NUP37: variants seen among roughly 807,000 people sequenced by gnomAD.
NUP37 encodes the protein nucleoporin Nup37.
Under a neutral mutation model 45.4 loss-of-function variants are expected in NUP37, and 33 were observed. The ratio of observed to expected loss-of-function variants is 0.73; its 90% confidence interval spans 0.55 to 0.97. The LOEUF is 0.97. Ranked by LOEUF, NUP37 falls within the 50% of genes least tolerant of loss-of-function variation. The probability of loss-of-function intolerance (pLI) is 0.00; values close to 1 mark genes in which losing one functional copy is unlikely to be tolerated. For synonymous variants in NUP37, 127 were observed against 130.7 expected, an observed-to-expected ratio of 0.97 and a Z score of 0.19; for missense variants, 365 against 389.7, an observed-to-expected ratio of 0.94 and a Z score of 0.53.
intron 5 of NUP37, among the ~76,000 whole-genome samples, chr12:102,096,667 CATATGTGATAATGTAAGAATAT>C (rs1879812433): frequency 6.6e-6 from 1 of 152,156 alleles, no homozygotes; most frequent in Non-Finnish European, 1.5e-5. Context: ...TCTCTTGTCA[CATATGTGATAATGTAAGAATAT>C]ATATGTGATA....
intron 4 of NUP37, among the ~76,000 whole-genome samples, chr12:102,099,412 C>G (rs1471671647): frequency 6.6e-6 from 1 of 152,124 alleles, no homozygotes; most frequent in African/African-American, 2.4e-5. Context: ...ATTCAACACA[C>G]TATTAGCTTA....
chr12:102,075,241 A>T (rs1879137257), intron 8 of NUP37, 147 bp from the exon 9 acceptor site: 2 of 487,268 alleles, frequency 4.1e-6, no homozygotes, highest in Non-Finnish European at 7.2e-6. Flanking sequence ...AGAAGTGCTA[A>T]CAAAACTCAC....
At chr12:102,091,493 T>TA (rs1879654700) in intron 5 of NUP37, among the ~76,000 whole-genome samples, 1 of 143,474 alleles carries the variant, frequency 7.0e-6, no homozygotes, top group Admixed American at 7.0e-5. Context: ...GAAAAGATGA[T>TA]AGACCATTTC....
intron 3 of NUP37, among the ~76,000 whole-genome samples, chr12:102,104,388 T>C (rs559117097): frequency 8.9e-4 from 136 of 152,336 alleles, no homozygotes; most frequent in African/African-American, 3.1e-3. Context: ...GTTAGGTATA[T>C]GGGTTGCAAA....
chr12:102,094,273 A>T (rs368398044), intron 5 of NUP37, among the ~76,000 whole-genome samples: 57 of 152,240 alleles, frequency 3.7e-4, no homozygotes, highest in African/African-American at 1.2e-3. Flanking sequence ...AGTGAGTTTT[A>T]GAAGACAAGC....
chr12:102,107,688 C>A (rs1411864833), intron 3 of NUP37, among the ~76,000 whole-genome samples: 2 of 152,122 alleles, frequency 1.3e-5, no homozygotes, highest in East Asian at 3.9e-4. Context: ...ATAACTAGAT[C>A]TACAAGTAGA....
intron 6 of NUP37, among the ~76,000 whole-genome samples, chr12:102,082,173 T>A (rs1879348109): frequency 6.6e-6 from 1 of 152,202 alleles, no homozygotes; most frequent in African/African-American, 2.4e-5. Flanking sequence ...GGAGGTCTCT[T>A]GACTTTTGTA....
intron 8 of NUP37, among the ~76,000 whole-genome samples, chr12:102,075,997 G>A (rs1348981038): frequency 3.3e-5 from 5 of 152,016 alleles, no homozygotes; most frequent in Non-Finnish European, 7.3e-5. Flanking sequence ...GAGAATAGCA[G>A]AGGGAAAGGA....
At chr12:102,093,813 T>G (rs2136731960) in intron 5 of NUP37, among the ~76,000 whole-genome samples, 1 of 152,214 alleles carries the variant, frequency 6.6e-6, no homozygotes, top group East Asian at 1.9e-4. Flanking sequence ...ATCCACTTAC[T>G]GTAACCACAT....
At chr12:102,101,780 A>G (rs1044042789) in intron 3 of NUP37, among the ~76,000 whole-genome samples, 17 of 151,890 alleles carry the variant, frequency 1.1e-4, no homozygotes, top group African/African-American at 4.1e-4. Flanking sequence ...GCTGGAGTGC[A>G]GTGGTATGAT....
At chr12:102,085,942 A>G in intron 5 of NUP37, 86 bp from the exon 6 acceptor site, 1 of 604,656 alleles carries the variant, frequency 1.7e-6, no homozygotes, top group Non-Finnish European at 2.9e-6. Context: ...ATTCAAAGCT[A>G]TTAACTACAG....
chr12:102,096,332 C>T (rs2136734717), intron 5 of NUP37, among the ~76,000 whole-genome samples: 1 of 152,196 alleles, frequency 6.6e-6, no homozygotes, highest in East Asian at 1.9e-4. Flanking sequence ...CTATCATCTT[C>T]CATAATAACA....
intron 6 of NUP37, among the ~76,000 whole-genome samples, chr12:102,083,839 G>T (rs574563671): frequency 3.9e-5 from 6 of 152,296 alleles, no homozygotes; most frequent in Non-Finnish European, 8.8e-5. Context: ...TAAAACACTG[G>T]CTGGAGAATA....
At position 102,074,601 on chromosome 12, in the gene NUP37, T is replaced by C; in HGVS notation, c.868-134A>G. On this transcript the variant is annotated intron_variant, in intron 9 of 9. Transcript: ENST00000552283. ...AACAAAATTTAAAAATATGCTCCCT[T>C]ACAGGTGAAATACACATTATTGATA... The C allele has an allele frequency of 1.5e-5, 9 of 604,830 alleles. No individual in the cohort carries two copies. The South Asian group carries it at 1.9e-4, about 13-fold the overall frequency. The allele number at this position is 604,830 out of a possible 1,614,324, so 37.5% of individuals were successfully genotyped here.
At chr12:102,113,622 G>T (rs1461503944) in intron 2 of NUP37, among the ~76,000 whole-genome samples, 3 of 152,052 alleles carry the variant, frequency 2.0e-5, no homozygotes, top group South Asian at 2.1e-4. Flanking sequence ...ACTAAAGAAG[G>T]CCAAATTTTC....
At chr12:102,108,204 T>C (rs1406227940) in intron 3 of NUP37, among the ~76,000 whole-genome samples, 3 of 152,042 alleles carry the variant, frequency 2.0e-5, no homozygotes, top group Non-Finnish European at 4.4e-5. Context: ...ATAATGTGGG[T>C]GGGCACGATC....
intron 3 of NUP37, among the ~76,000 whole-genome samples, chr12:102,107,190 G>C (rs1880179455): frequency 6.6e-6 from 1 of 152,068 alleles, no homozygotes; most frequent in African/African-American, 2.4e-5. Flanking sequence ...TATGCAACAG[G>C]GCCTAGACCA....
At chr12:102,112,045 T>G in intron 3 of NUP37, 63 bp downstream of exon 3, 8 of 1,478,856 alleles carry the variant, frequency 5.4e-6, no homozygotes, top group Non-Finnish European at 7.5e-6. Flanking sequence ...TGATCAGACT[T>G]CCAATCATGT....
rs559568113 is a variant in NUP37 at position 102,089,023 on chromosome 12, G to A, written c.450-3167C>T. Among the ~76,000 whole-genome samples, 202 of 152,068 alleles carry A rather than the reference G, an allele frequency of 1.3e-3. 1 individual carries two copies. Among genetic ancestry groups the A allele is most frequent in the Admixed American group, 4.8e-3 (74 of 15,270 alleles). On this transcript the variant is annotated intron_variant, in intron 5 of 9. Coordinates refer to ENST00000552283, the MANE Select transcript of NUP37 (RefSeq NM_024057.4). ...GCACGTTTCAGAGAGCACGGGGTTG[G>A]GGGTAAGGTTATAGATTAACAGCAT...
Sources: allele counts gnomAD v4.1 joint callset (sites outside exome capture counted in the v4.1 genomes callset), GRCh38; gene constraint gnomAD v4.1.1; transcripts MANE v1.5; gene names NCBI Gene and HGNC (gene_info 2026-07-23, HGNC 2026-07-21).